RARB: variants seen among roughly 807,000 people sequenced by gnomAD.
The protein encoded by RARB is HBV-activated protein.
Under a neutral mutation model 51.9 loss-of-function variants are expected in RARB, and 17 were observed. The observed-to-expected ratio is 0.33, with a 90% CI of 0.22 to 0.49. The LOEUF (loss-of-function observed/expected upper bound fraction) is 0.49, where lower values mean the gene tolerates loss of function less well. Among genes scored for constraint, RARB ranks in the 20% least tolerant of loss-of-function variants. The pLI is 0.99. For synonymous variants in RARB, 215 were observed against 195.4 expected, an observed-to-expected ratio of 1.10 and a Z score of -0.84; for missense variants, 369 against 550.8, an observed-to-expected ratio of 0.67 and a Z score of 3.30.
At chr3:25,407,755 AG>A in intron 5 of RARB, among the ~76,000 whole-genome samples, 1 of 72,026 alleles carries the variant, frequency 1.4e-5, no homozygotes, top group Non-Finnish European at 2.7e-5. Flanking sequence ...CTCTGCATGA[AG>A]GCTTTTTTTT....
chr3:24,967,417 G>A (rs563124158), intron 2 of RARB, among the ~76,000 whole-genome samples: 5 of 152,208 alleles, frequency 3.3e-5, no homozygotes, highest in East Asian at 1.9e-4. Context: ...CTAAGTAGCC[G>A]TTTTGTAAAT....
intron 2 of RARB, among the ~76,000 whole-genome samples, chr3:25,045,449 C>T (rs1698195935): frequency 6.6e-6 from 1 of 152,102 alleles, no homozygotes; most frequent in Non-Finnish European, 1.5e-5. Context: ...CCTGTTGGCT[C>T]CCTTCCTGAC....
At chr3:24,916,214 G>T (rs1490115553) in intron 2 of RARB, among the ~76,000 whole-genome samples, 1 of 152,112 alleles carries the variant, frequency 6.6e-6, no homozygotes, top group South Asian at 2.1e-4. Flanking sequence ...TTATGATTTT[G>T]AGGGAAATAT....
At chr3:24,870,848 C>A (rs1483276332) in intron 2 of RARB, among the ~76,000 whole-genome samples, 1 of 152,036 alleles carries the variant, frequency 6.6e-6, no homozygotes, top group East Asian at 1.9e-4. Context: ...ATTGGGAGAT[C>A]CATCACCTCA....
At chr3:24,914,459 G>C (rs1463142530) in intron 2 of RARB, among the ~76,000 whole-genome samples, 3 of 151,986 alleles carry the variant, frequency 2.0e-5, no homozygotes, top group East Asian at 3.9e-4. Context: ...TTCCGGATTT[G>C]ATAGATGGAA....
intron 3 of RARB, among the ~76,000 whole-genome samples, chr3:25,503,762 T>A (rs866649972): frequency 2.0e-5 from 3 of 152,294 alleles, no homozygotes; most frequent in Non-Finnish European, 1.5e-5. Context: ...CAGGCAAATA[T>A]GAGAATCAGT....
At chr3:25,564,889 G>A (rs138495274) in intron 3 of RARB, among the ~76,000 whole-genome samples, 275 of 152,260 alleles carry the variant, frequency 1.8e-3, no homozygotes, top group African/African-American at 6.1e-3. Context: ...CGCAATCAGA[G>A]TGAAAGAAGA....
intron 2 of RARB, among the ~76,000 whole-genome samples, chr3:25,020,992 TTAG>T (rs1250878895): frequency 6.6e-6 from 1 of 152,146 alleles, no homozygotes; most frequent in African/African-American, 2.4e-5. Flanking sequence ...AATAAATATT[TTAG>T]ATTTTTCTAG....
chr3:25,537,517 G>A (rs749222471), intron 3 of RARB, among the ~76,000 whole-genome samples: 3 of 152,198 alleles, frequency 2.0e-5, no homozygotes, highest in Non-Finnish European at 4.4e-5. Context: ...TATTGCAGAT[G>A]TAGTCACTGA....
At chr3:25,237,819 A>G (rs372999818) in intron 5 of RARB, among the ~76,000 whole-genome samples, 2 of 152,014 alleles carry the variant, frequency 1.3e-5, no homozygotes, top group African/African-American at 2.4e-5. Context: ...TTTTGCACCA[A>G]CCCTATTTTG....
chr3:24,968,954 T>A (rs1696335504), intron 2 of RARB, among the ~76,000 whole-genome samples: 1 of 152,100 alleles, frequency 6.6e-6, no homozygotes, highest in Non-Finnish European at 1.5e-5. Context: ...CCAAGTACTT[T>A]TCTGGGTAAT....
intron 5 of RARB, among the ~76,000 whole-genome samples, chr3:25,346,985 C>T (rs754428935): frequency 3.9e-5 from 6 of 152,062 alleles, no homozygotes; most frequent in Admixed American, 6.6e-5. Flanking sequence ...CAAACTCTAA[C>T]GAGTGTTGTG....
intron 3 of RARB, among the ~76,000 whole-genome samples, chr3:25,072,747 C>T (rs981129264): frequency 4.0e-5 from 6 of 151,608 alleles, no homozygotes; most frequent in Non-Finnish European, 5.9e-5. Context: ...CTCGCTCTGT[C>T]GCCCAGGCTG....
At chr3:25,417,408 A>G (rs1019333668) in intron 5 of RARB, among the ~76,000 whole-genome samples, 4 of 152,118 alleles carry the variant, frequency 2.6e-5, no homozygotes, top group African/African-American at 9.7e-5. Flanking sequence ...ATTCCCACAC[A>G]TGGCGGGAGG....
intron 5 of RARB, among the ~76,000 whole-genome samples, chr3:25,419,468 G>A (rs1452383304): frequency 6.6e-6 from 1 of 152,118 alleles, no homozygotes; most frequent in African/African-American, 2.4e-5. Flanking sequence ...CTCAAGCAGA[G>A]GAATGAGAGG....
At chr3:25,068,457 C>T (rs1436874848) in intron 3 of RARB, among the ~76,000 whole-genome samples, 1 of 151,602 alleles carries the variant, frequency 6.6e-6, no homozygotes, top group African/African-American at 2.4e-5. Flanking sequence ...ACTAAGAAAA[C>T]AAAAAGGGGG....
Position 25,383,207 on chromosome 3 carries a change from G to T in RARB, c.179-77986G>T, listed in dbSNP as rs960126112. On this transcript the variant is annotated intron_variant, in intron 5 of 11. Coordinates refer to the RARB transcript ENST00000383772. ...TTCGGAGAGATTGTAGGGGTGAAAG[G>T]CACAAAATGAGTCATAGAGCCAAGG... Among the ~76,000 whole-genome samples, 3 of 152,120 alleles carry T rather than the reference G, an allele frequency of 2.0e-5. No individual in the cohort carries two copies. In the South Asian group the frequency reaches 6.2e-4, roughly 31 times the overall value.
intron 3 of RARB, among the ~76,000 whole-genome samples, chr3:25,105,953 A>G (rs1443078201): frequency 6.6e-6 from 1 of 152,248 alleles, no homozygotes; most frequent in Middle Eastern, 3.4e-3. Flanking sequence ...GCACAGTACG[A>G]TTTGGTAGTG....
chr3:25,208,405 G>C (rs185634705), intron 5 of RARB, among the ~76,000 whole-genome samples: 1 of 152,112 alleles, frequency 6.6e-6, no homozygotes, highest in Admixed American at 6.5e-5. Context: ...TCATTCCAGT[G>C]ATTCTGTTGA....
Sources: gnomAD v4.1 joint callset for allele counts (sites outside exome capture counted in the v4.1 genomes callset) on GRCh38, gnomAD v4.1.1 for gene constraint, MANE v1.5 for transcripts, NCBI Gene and HGNC (gene_info 2026-07-23, HGNC 2026-07-21) for gene names.